Variants in MYRFL observed in about 807,000 individuals in gnomAD.
MYRFL encodes the protein myelin regulatory factor like, also known as myelin regulatory factor-like protein.
A neutral mutation model predicts 109.4 loss-of-function variants in MYRFL; 88 were observed. The ratio of observed to expected loss-of-function variants is 0.80; its 90% CI spans 0.68 to 0.96. The LOEUF is 0.96. MYRFL is among the 40% of genes least tolerant of loss of function. MYRFL has a pLI of 0.00. For missense variants in MYRFL, 957 were observed against 954.9 expected (o/e 1.00, Z -0.03); for synonymous variants, 324 against 320.9 (o/e 1.01, Z -0.10).
chr12:69,915,549 G>C (rs1954704637), intron 13 of MYRFL, among the ~76,000 whole-genome samples: 2 of 152,170 alleles, frequency 1.3e-5, no homozygotes, highest in Non-Finnish European at 2.9e-5. Flanking sequence ...CAAAGGGGGT[G>C]ATCGTTGTCA....
chr12:69,826,631 G>C (rs1383061275), intron 1 of MYRFL, among the ~76,000 whole-genome samples: 1 of 151,856 alleles, frequency 6.6e-6, no homozygotes, highest in Non-Finnish European at 1.5e-5. Context: ...ATTTTTGGAG[G>C]TTTCTATGGA....
intron 1 of MYRFL, among the ~76,000 whole-genome samples, chr12:69,839,845 G>A (rs1883145595): frequency 6.6e-6 from 1 of 152,062 alleles, no homozygotes; most frequent in Non-Finnish European, 1.5e-5. Context: ...GATCTCCTGT[G>A]GATCCCCTAC....
intron 10 of MYRFL, among the ~76,000 whole-genome samples, chr12:69,900,330 T>A (rs1031666969): frequency 6.6e-6 from 1 of 152,218 alleles, no homozygotes; most frequent in Middle Eastern, 3.2e-3. Context: ...GAAAACAGTT[T>A]ATGGAGTAAT....
chr12:69,831,039 T>C (rs1241981946), intron 1 of MYRFL, among the ~76,000 whole-genome samples: 1 of 152,202 alleles, frequency 6.6e-6, no homozygotes, highest in Non-Finnish European at 1.5e-5. Flanking sequence ...AGAAGATCAT[T>C]ATCACTAGTA....
At chr12:69,852,736 C>A (rs1057207392) in intron 1 of MYRFL, among the ~76,000 whole-genome samples, 1 of 151,866 alleles carries the variant, frequency 6.6e-6, no homozygotes, top group Non-Finnish European at 1.5e-5. Flanking sequence ...ACCCTGCCGC[C>A]TTCCGCAGTG....
chr12:69,869,499 T>C (rs914361886), intron 2 of MYRFL, among the ~76,000 whole-genome samples: 1 of 152,040 alleles, frequency 6.6e-6, no homozygotes, highest in East Asian at 1.9e-4. Context: ...CATTTTAGAT[T>C]GGGTGGTCAG....
At chr12:69,849,648 TA>T (rs1240578548) in intron 1 of MYRFL, among the ~76,000 whole-genome samples, 1 of 152,240 alleles carries the variant, frequency 6.6e-6, no homozygotes, top group East Asian at 1.9e-4. Flanking sequence ...GGGTGATGGT[TA>T]TGGTGAAATT....
chr12:69,884,021 G>A (rs753480168), intron 5 of MYRFL, among the ~76,000 whole-genome samples: 1 of 152,168 alleles, frequency 6.6e-6, no homozygotes, highest in Non-Finnish European at 1.5e-5. Flanking sequence ...ACTAATTATT[G>A]ACAGGGGGCA....
chr12:69,837,199 T>C (rs1292055450), intron 1 of MYRFL, among the ~76,000 whole-genome samples: 1 of 152,196 alleles, frequency 6.6e-6, no homozygotes, highest in Non-Finnish European at 1.5e-5. Context: ...AAGACAGGTA[T>C]TGGCCCATTA....
At chr12:69,951,727 T>C (rs942378374) in intron 19 of MYRFL, among the ~76,000 whole-genome samples, 2 of 152,286 alleles carry the variant, frequency 1.3e-5, no homozygotes, top group Non-Finnish European at 1.5e-5. Flanking sequence ...CATGCCTGGC[T>C]CCTAATCTTC....
At chr12:69,931,314 C>T (rs1362459039) in intron 15 of MYRFL, among the ~76,000 whole-genome samples, 3 of 152,278 alleles carry the variant, frequency 2.0e-5, no homozygotes, top group South Asian at 2.1e-4. Flanking sequence ...ACTATTAAGA[C>T]GTCCTCCGAA....
chr12:69,929,516 A>G (rs527669301), intron 15 of MYRFL, among the ~76,000 whole-genome samples: 1 of 152,336 alleles, frequency 6.6e-6, no homozygotes, highest in African/African-American at 2.4e-5. Flanking sequence ...GGCATAAATG[A>G]AAGTCTGGTG....
rs1461288349 is a variant in MYRFL at position 69,891,097 on chromosome 12, A to G, written c.834A>G (p.Pro278=). The change falls in exon 7 of 25, where the codon CCA becomes CCG. Residue 278 remains proline, a synonymous_variant. Transcript: ENST00000552032. ...ITIHIQVWGS[P]KFVETEMGLK... ...TTCACATCCAAGTTTGGGGAAGTCC[A>G]AAATTTGTTGAAACCGAGATGGGCC... The G allele has an allele frequency of 6.5e-7, 1 of 1,535,000 alleles. No homozygotes were observed. The highest frequency in any genetic ancestry group is 1.4e-5 in the African/African-American group (1 of 73,012).
chr12:69,930,007 G>A (rs1456529981), intron 15 of MYRFL, among the ~76,000 whole-genome samples: 2 of 152,104 alleles, frequency 1.3e-5, no homozygotes, highest in Non-Finnish European at 2.9e-5. Flanking sequence ...ACTTGTCCAG[G>A]GAGCTCAATA....
At chr12:69,859,818 G>A (rs912681331) in intron 2 of MYRFL, among the ~76,000 whole-genome samples, 3 of 152,114 alleles carry the variant, frequency 2.0e-5, no homozygotes, top group Non-Finnish European at 2.9e-5. Context: ...TTACACTGTT[G>A]GTAGGAACGT....
chr12:69,942,474 A>T (rs202138689), intron 19 of MYRFL, among the ~76,000 whole-genome samples: 19,072 of 151,092 alleles, frequency 0.13, 1,782 homozygotes, highest in East Asian at 0.47. Context: ...GGCCTTTGAC[A>T]AAATTCAACA....
rs1040329386 is a variant in MYRFL, at chr12:69,910,919, A to T, written c.1591A>T (p.Met531Leu). Residue 531 changes from methionine to leucine, a missense_variant, in exon 13 of 25, where the codon ATG becomes TTG. Transcript: ENST00000552032. Reference sequence around the variant, plus strand: ...CGGAGAGACCTTGGAGAACTTCCTCATGGTGGATAAGGTAATCACTGAAAA... The same window carrying T: ...CGGAGAGACCTTGGAGAACTTCCTCTTGGTGGATAAGGTAATCACTGAAAA... Reference protein sequence around the residue: ...GNGETLENFLMVDKDQIFMEN... With the variant: ...GNGETLENFLLVDKDQIFMEN... The T allele has an allele frequency of 3.9e-6, 6 of 1,533,204 alleles. No homozygotes were observed. Among genetic ancestry groups the T allele is most frequent in the Non-Finnish European group, 5.2e-6 (6 of 1,144,608 alleles). 95.0% of individuals were successfully genotyped at this position (1,533,204 alleles called of 1,614,324 possible).
In MYRFL at chr12:69,889,265, G is replaced by A. The variant is rs762933899; in HGVS notation, c.708-1706G>A. Among the ~76,000 whole-genome samples, 8 of 151,776 alleles carry A rather than the reference G, an allele frequency of 5.3e-5. No individual in the cohort carries two copies. The East Asian group carries it at 7.8e-4, about 15-fold the overall frequency. Reference sequence around the variant, plus strand: ...AGCTTGATGAATTAGAAATCCTGCCGCATATTTTCATCATGCATGGGAAAA... The same window carrying A: ...AGCTTGATGAATTAGAAATCCTGCCACATATTTTCATCATGCATGGGAAAA... On this transcript the variant is annotated intron_variant, in intron 6 of 24. Transcript: ENST00000552032.
intron 19 of MYRFL, among the ~76,000 whole-genome samples, chr12:69,951,271 G>T (rs1440059092): frequency 6.6e-6 from 1 of 152,078 alleles, no homozygotes; most frequent in Non-Finnish European, 1.5e-5. Flanking sequence ...CAGTTCTGGT[G>T]GCTGGAAGTC....
Sources: allele counts gnomAD v4.1 joint callset (sites outside exome capture counted in the v4.1 genomes callset), GRCh38; gene constraint gnomAD v4.1.1; transcripts MANE v1.5; gene names NCBI Gene and HGNC (gene_info 2026-07-23, HGNC 2026-07-21).